VIRMA: variants seen among roughly 807,000 people sequenced by gnomAD.
The protein encoded by VIRMA is vir like m6A methyltransferase associated.
A neutral mutation model predicts 182.4 loss-of-function variants in VIRMA; 65 were observed. That is an observed-to-expected ratio of 0.36 (90% confidence interval 0.29 to 0.44). VIRMA has a LOEUF of 0.44. Ranked by LOEUF, VIRMA falls within the 20% of genes least tolerant of loss-of-function variation. The pLI, the probability that VIRMA is intolerant of heterozygous loss-of-function variation, is 1.00. For synonymous variants in VIRMA, 709 were observed against 743.1 expected, an observed-to-expected ratio of 0.95 and a Z score of 0.75; for missense variants, 1,752 against 2,158.1, an observed-to-expected ratio of 0.81 and a Z score of 3.73.
chr8:94,505,651 T>C (rs1194205834), intron 16 of VIRMA, among the ~76,000 whole-genome samples: 9 of 151,944 alleles, frequency 5.9e-5, no homozygotes, highest in Admixed American at 5.9e-4. Context: ...CCCAACTAAT[T>C]TGTAAATTTT....
intron 22 of VIRMA, among the ~76,000 whole-genome samples, chr8:94,491,193 A>G (rs1027479070): frequency 1.3e-5 from 2 of 151,528 alleles, no homozygotes; most frequent in African/African-American, 4.9e-5. Flanking sequence ...GCATGCCTGT[A>G]GTCCCAAATA....
At position 94,491,651 on chromosome 8, in the gene VIRMA, C is replaced by T. The variant is rs1400885468; in HGVS notation, c.5067G>A (p.Gly1689=). 7.4e-6 allele frequency: 12 copies of T among 1,614,190 alleles called. No individual in the cohort carries two copies. Among genetic ancestry groups the T allele is most frequent in the Non-Finnish European group, 1.0e-5 (12 of 1,180,030 alleles). Reference sequence around the variant, plus strand: ...CCCGTCCTCCTCTATTGCCTGAAAACCCACCACGGGAAGAAATCTTCTGTG... The same window carrying T: ...CCCGTCCTCCTCTATTGCCTGAAAATCCACCACGGGAAGAAATCTTCTGTG... ...KVSQKISSRG[G]FSGNRGGRGA... Residue 1689 remains glycine, a synonymous_variant, in exon 22 of 24, where the codon GGG becomes GGA. Transcript: ENST00000297591.
At position 94,487,846 on chromosome 8, in the gene VIRMA, T is replaced by C. The variant is rs1392015370; in HGVS notation, c.*860A>G. 6 of 152,240 alleles carry C rather than the reference T, an allele frequency of 3.9e-5. No homozygotes were observed. The highest frequency in any genetic ancestry group is 8.8e-5 in the Non-Finnish European group (6 of 68,046). 9.4% of individuals were successfully genotyped at this position (152,240 alleles called of 1,614,324 possible). On this transcript the variant is annotated 3_prime_UTR_variant, in exon 24 of 24. Transcript: ENST00000297591. ...TAGATGTTTCTGATTCCCAAAATAA[T>C]AGTATTAGGATATTCCTTATTTTAG...
At chr8:94,497,748 T>A (rs1813829945) in intron 17 of VIRMA, 1 of 152,138 alleles carries the variant, frequency 6.6e-6, no homozygotes, top group South Asian at 2.1e-4. Context: ...TGGTGGCTCA[T>A]GCCTCTAATC....
chr8:94,535,647 T>C (rs1222804385), intron 4 of VIRMA, among the ~76,000 whole-genome samples: 1 of 151,890 alleles, frequency 6.6e-6, no homozygotes, highest in Non-Finnish European at 1.5e-5. Context: ...GCCAGGGTGG[T>C]GGCGGCACCC....
At chr8:94,515,448 T>C (rs960443676) in intron 10 of VIRMA, among the ~76,000 whole-genome samples, 2 of 152,060 alleles carry the variant, frequency 1.3e-5, no homozygotes, top group African/African-American at 4.8e-5. Context: ...CACGGCTCAC[T>C]GCAGTCTCAG....
intron 15 of VIRMA, among the ~76,000 whole-genome samples, chr8:94,509,270 G>A (rs1324588728): frequency 4.6e-5 from 7 of 152,072 alleles, no homozygotes; most frequent in Admixed American, 2.6e-4. Flanking sequence ...GTGTGGTGGT[G>A]TGTGCCTGTA....
At chr8:94,501,838 T>C (rs750233241) in intron 16 of VIRMA, among the ~76,000 whole-genome samples, 2 of 152,196 alleles carry the variant, frequency 1.3e-5, no homozygotes, top group East Asian at 3.9e-4. Flanking sequence ...GTGCCTGTAG[T>C]AGTACTTGGA....
intron 9 of VIRMA, among the ~76,000 whole-genome samples, chr8:94,518,436 C>G (rs541555442): frequency 6.6e-6 from 1 of 152,188 alleles, no homozygotes; most frequent in Admixed American, 6.5e-5. Context: ...GAGTTATACA[C>G]CCAGTCCTCA....
Position 94,543,894 on chromosome 8 carries a change from T to C in VIRMA, c.112A>G (p.Asn38Asp), listed in dbSNP as rs138330157. 28 of 1,613,302 alleles carry C rather than the reference T, an allele frequency of 1.7e-5. No individual in the cohort carries two copies. Among genetic ancestry groups the C allele is most frequent in the Non-Finnish European group, 2.4e-5 (28 of 1,179,558 alleles). Residue 38 changes from asparagine (N) to aspartate (D), a missense_variant, in exon 2 of 24, where the codon AAT becomes GAT. Coordinates refer to ENST00000297591, the MANE Select transcript of VIRMA (RefSeq NM_015496.5). ...VVRFPCVVYI[N>D]EVRVIPPGVR... ...CCTGGGGGTATGACTCGGACTTCATTGATATAAACCACACATGGAAAACGA... is the reference window on the plus strand; with the variant it reads ...CCTGGGGGTATGACTCGGACTTCATCGATATAAACCACACATGGAAAACGA...
At chr8:94,540,308 CTCCTGATA>C (rs927430832) in intron 2 of VIRMA, among the ~76,000 whole-genome samples, 43 of 148,126 alleles carry the variant, frequency 2.9e-4, no homozygotes, top group African/African-American at 1.1e-3. Context: ...TGTAAAAGTA[CTCCTGATA>C]TATTATAAAT....
chr8:94,498,220 C>A (rs1813857673), intron 17 of VIRMA: 1 of 152,100 alleles, frequency 6.6e-6, no homozygotes. Flanking sequence ...TCATAATATA[C>A]CATGACTTTG....
chr8:94,494,761 T>C, intron 20 of VIRMA, 99 bp downstream of exon 20: 1 of 730,112 alleles, frequency 1.4e-6, no homozygotes, highest in South Asian at 2.0e-5. Flanking sequence ...AAGTAGACTT[T>C]AACAGCCATA....
At chr8:94,506,315 A>C (rs1366587699) in intron 16 of VIRMA, among the ~76,000 whole-genome samples, 185 bp downstream of exon 16, 6 of 152,190 alleles carry the variant, frequency 3.9e-5, no homozygotes, top group Non-Finnish European at 7.3e-5. Context: ...TTTAATCCAA[A>C]AGATTCTATT....
intron 5 of VIRMA, chr8:94,534,226 A>T (rs1406574226): frequency 1.2e-4 from 18 of 151,760 alleles, no homozygotes; most frequent in Admixed American, 1.1e-3. Flanking sequence ...TTTTAAATGC[A>T]CTCTTGAAAA....
chr8:94,543,306 C>T (rs1815629615), intron 2 of VIRMA, among the ~76,000 whole-genome samples: 1 of 146,900 alleles, frequency 6.8e-6, no homozygotes, highest in Admixed American at 7.1e-5. Context: ...GAGGGTGAGG[C>T]AGGAGACTCA....
In VIRMA at chr8:94,529,329, C is replaced by T; in HGVS notation, c.621G>A (p.Lys207=). The T allele has an allele frequency of 6.2e-7, 1 of 1,602,216 alleles. No homozygotes were observed. The highest frequency in any genetic ancestry group is 1.7e-4 in the Middle Eastern group (1 of 6,028). ...CTTCTCTATGAGGAGCATCCTCTTC[C>T]TTGTCACCAGACACTGAAAAATTGA... ...DPVPLPVSGD[K]EEDAPHREDY... The change falls in exon 7 of 24, where the codon AAG becomes AAA. Residue 207 remains lysine, a synonymous_variant. Transcript: ENST00000297591.
intron 20 of VIRMA, among the ~76,000 whole-genome samples, chr8:94,494,591 CAAAAAAAAAAAAAAA>C (rs1175058697): frequency 4.7e-4 from 20 of 42,928 alleles, no homozygotes; most frequent in East Asian, 3.1e-3. Flanking sequence ...GACTCTGTCT[CAAAAAAAAAAAAAAA>C]AAAAAAAAAA....
intron 2 of VIRMA, among the ~76,000 whole-genome samples, chr8:94,540,880 T>C (rs913363106): frequency 6.6e-6 from 1 of 152,122 alleles, no homozygotes; most frequent in Admixed American, 6.5e-5. Flanking sequence ...TCCTGGTCAC[T>C]GAAAAACGAT....
Sources: allele counts gnomAD v4.1 joint callset (sites outside exome capture counted in the v4.1 genomes callset), GRCh38; gene constraint gnomAD v4.1.1; transcripts MANE v1.5; gene names NCBI Gene and HGNC (gene_info 2026-07-23, HGNC 2026-07-21).